Variants in RB1 observed in about 807,000 individuals in gnomAD.
The protein encoded by RB1 is RB transcriptional corepressor 1.
In RB1, 18 loss-of-function variants were observed where a neutral mutation model predicts 135.4. The observed-to-expected ratio is 0.13, with a 90% CI of 0.09 to 0.20. RB1 has a LOEUF of 0.20. Among genes scored for constraint, RB1 ranks in the 10% least tolerant of loss-of-function variants. The pLI is 1.00. For missense variants in RB1, 868 were observed against 1,110.0 expected (o/e 0.78, Z 3.10); for synonymous variants, 365 against 373.2 (o/e 0.98, Z 0.25).
intron 17 of RB1, among the ~76,000 whole-genome samples, chr13:48,414,871 A>ATG (rs1458133315): frequency 1.3e-5 from 2 of 152,210 alleles, no homozygotes; most frequent in Non-Finnish European, 2.9e-5. Flanking sequence ...GAAAAGATGT[A>ATG]TGTGTGTGTT....
Position 48,459,906 on chromosome 13 carries a change from T to A in RB1, c.2106+73T>A, listed in dbSNP as rs968519529. 4 of 462,176 alleles carry A rather than the reference T, an allele frequency of 8.7e-6. No individual in the cohort carries two copies. The East Asian group carries it at 1.6e-4, about 18-fold the overall frequency. The allele number at this position is 462,176 out of a possible 1,614,324, so 28.6% of individuals were successfully genotyped here. ...AACTGATTCTTTCTTTCTTTCTTTCTTTCTTTCTTTCTTTCTTTCTTTCTT... is the reference window on the plus strand; with the variant it reads ...AACTGATTCTTTCTTTCTTTCTTTCATTCTTTCTTTCTTTCTTTCTTTCTT... On this transcript the variant is annotated intron_variant, in intron 20 of 26. Coordinates refer to ENST00000267163, the MANE Select transcript of RB1 (RefSeq NM_000321.3).
intron 4 of RB1, among the ~76,000 whole-genome samples, chr13:48,346,539 G>A (rs1333312357): frequency 0.011 from 2 of 184 alleles, no homozygotes; most frequent in African/African-American, 0.032. Flanking sequence ...TGTTGCTTTA[G>A]AGTTTTTTTG....
intron 2 of RB1, among the ~76,000 whole-genome samples, chr13:48,307,699 C>A (rs1011659378): frequency 2.9e-3 from 380 of 129,288 alleles, no homozygotes; most frequent in Non-Finnish European, 4.0e-3. Context: ...TACTAAAATA[C>A]AAAAAAAAAA....
In RB1 at chr13:48,456,249, G is replaced by A. The variant is rs750356534; in HGVS notation, c.1860G>A (p.Thr620=). 6 of 1,613,946 alleles carry A rather than the reference G, an allele frequency of 3.7e-6. No homozygotes were observed. The highest frequency in any genetic ancestry group is 1.7e-5 in the Admixed American group (1 of 59,992). The change falls in exon 19 of 27, where the codon ACG becomes ACA. Residue 620 remains threonine (T), a synonymous_variant. Coordinates refer to ENST00000267163, the MANE Select transcript of RB1 (RefSeq NM_000321.3). The part of the protein sequence containing the change: ...VRSPKKKGST[T]RVNSTANAET... ...CTCCAAAGAAAAAAGGTTCAACTAC[G>A]CGTGTAAATTCTACTGCAAATGCAG... is the stretch of plus-strand genomic sequence containing the variant.
chr13:48,447,083 A>G (rs960335656), intron 17 of RB1, among the ~76,000 whole-genome samples: 4 of 152,230 alleles, frequency 2.6e-5, no homozygotes, highest in Non-Finnish European at 5.9e-5. Flanking sequence ...AACTTGGAAT[A>G]TATTTTGAAT....
chr13:48,328,533 C>A, intron 2 of RB1: 2 of 751,742 alleles, frequency 2.7e-6, no homozygotes, highest in Admixed American at 1.8e-5. Flanking sequence ...ACTTTTCCGG[C>A]TTCTCCTCTC....
chr13:48,463,122 C>A (rs1205121118), intron 20 of RB1, among the ~76,000 whole-genome samples: 44 of 152,202 alleles, frequency 2.9e-4, no homozygotes, highest in Non-Finnish European at 7.4e-5. Context: ...TTTAAAGTCA[C>A]AGGGAATCAT....
At chr13:48,381,141 G>A in intron 16 of RB1, 106 bp from the exon 17 acceptor site, 1 of 1,426,938 alleles carries the variant, frequency 7.0e-7, no homozygotes, top group South Asian at 1.4e-5. Context: ...AAATAAAAAT[G>A]GTTTAACCTT....
At chr13:48,325,931 C>G (rs1952283533) in intron 2 of RB1, among the ~76,000 whole-genome samples, 1 of 152,052 alleles carries the variant, frequency 6.6e-6, no homozygotes, top group Non-Finnish European at 1.5e-5. Flanking sequence ...AGTCTTTGCT[C>G]ATAGAATAGT....
At position 48,367,097 on chromosome 13, in the gene RB1, C is replaced by T. The variant is rs570850669; in HGVS notation, c.940-397C>T. On this transcript the variant is annotated intron_variant, in intron 9 of 26. Coordinates refer to ENST00000267163, the MANE Select transcript of RB1 (RefSeq NM_000321.3). ...TTGTGCCACTGCACTCCAGCCTGGG[C>T]GAAAGAGCGAAACTCCATCTCAAAA... Among the ~76,000 whole-genome samples, 60 of 109,232 alleles carry T rather than the reference C, an allele frequency of 5.5e-4. 1 individual carries two copies. In the Middle Eastern group the frequency reaches 0.042, roughly 76 times the overall value. 71.7% of individuals were successfully genotyped at this position (109,232 alleles called of 152,430 possible).
chr13:48,432,663 A>G (rs1949142255), intron 17 of RB1, among the ~76,000 whole-genome samples: 1 of 152,126 alleles, frequency 6.6e-6, no homozygotes, highest in Admixed American at 6.6e-5. Flanking sequence ...TTTCCCTGAT[A>G]GCAGGGACAT....
chr13:48,423,390 A>G (rs1805106537), intron 17 of RB1, among the ~76,000 whole-genome samples: 1 of 152,052 alleles, frequency 6.6e-6, no homozygotes, highest in Non-Finnish European at 1.5e-5. Flanking sequence ...TCTCAGGTAT[A>G]ATAGATCAAG....
chr13:48,476,840 G>A lies in RB1; in HGVS notation c.2660G>A (p.Gly887Glu), dbSNP rs1566241021. The stretch of plus-strand genomic sequence containing the variant: ...ATTGAAGGATCAGATGAAGCAGATG[G>A]AAGGTAGGAACCAGTTTTGAATGTT... ...FDIEGSDEAD[G>E]SKHLPGESKF... Residue 887 changes from glycine to glutamate, a missense_variant, in exon 25 of 27, where the codon GGA becomes GAA. Coordinates refer to ENST00000267163, the MANE Select transcript of RB1 (RefSeq NM_000321.3). 1 of 1,613,470 alleles carries A rather than the reference G, an allele frequency of 6.2e-7. No individual in the cohort carries two copies. Among genetic ancestry groups the A allele is most frequent in the Non-Finnish European group, 8.5e-7 (1 of 1,179,542 alleles).
intron 17 of RB1, among the ~76,000 whole-genome samples, chr13:48,414,696 T>G (rs2138214104): frequency 6.6e-6 from 1 of 152,334 alleles, no homozygotes; most frequent in East Asian, 1.9e-4. Context: ...CACCATTCTT[T>G]CACACTCAGC....
intron 18 of RB1, among the ~76,000 whole-genome samples, chr13:48,453,867 G>C (rs902151421): frequency 2.6e-5 from 4 of 152,190 alleles, no homozygotes; most frequent in African/African-American, 9.7e-5. Context: ...GGTGAACATA[G>C]AGTCACTGTC....
rs117209587 is a variant in RB1, at chr13:48,458,352, A to G, written c.1961-1336A>G. On this transcript the variant is annotated intron_variant, in intron 19 of 26. Coordinates refer to ENST00000267163, the MANE Select transcript of RB1 (RefSeq NM_000321.3). The stretch of plus-strand genomic sequence containing the variant: ...GTCTGTGCATGCGTATATACTTCCT[A>G]GTGCATATCCACTTGGAGCTCTTTG... Among the ~76,000 whole-genome samples the G allele has an allele frequency of 2.3e-3, 343 of 152,248 alleles. 1 individual carries two copies. Among genetic ancestry groups the G allele is most frequent in the Non-Finnish European group, 3.9e-3 (267 of 68,024 alleles).
intron 17 of RB1, among the ~76,000 whole-genome samples, chr13:48,392,808 G>A (rs1047980103): frequency 6.6e-6 from 1 of 151,098 alleles, no homozygotes; most frequent in Non-Finnish European, 1.5e-5. Context: ...TTGACTGCTT[G>A]GTGATTTTTT....
chr13:48,479,938 C>A (rs2138364094), intron 26 of RB1, 60 bp from the exon 27 acceptor site: 1 of 1,365,602 alleles, frequency 7.3e-7, no homozygotes, highest in Non-Finnish European at 1.0e-6. Flanking sequence ...TATATGGCAG[C>A]CACTTGCCAA....
At position 48,316,429 on chromosome 13, in the gene RB1, A is replaced by C. The variant is rs143820323; in HGVS notation, c.264+9023A>C. On this transcript the variant is annotated intron_variant, in intron 2 of 26. Transcript: ENST00000267163. ...ATTCTCACCAGCAATCAACCAAAAAACATCAGAGTCTCTGTGAACTTGGCT... is the reference window on the plus strand; with the variant it reads ...ATTCTCACCAGCAATCAACCAAAAACCATCAGAGTCTCTGTGAACTTGGCT... 8.5e-5 allele frequency among the ~76,000 whole-genome samples: 13 copies of C among 152,238 alleles called. No homozygotes were observed. The South Asian group carries it at 1.9e-3, about 22-fold the overall frequency.
Sources: allele counts gnomAD v4.1 joint callset (sites outside exome capture counted in the v4.1 genomes callset), GRCh38; gene constraint gnomAD v4.1.1; transcripts MANE v1.5; gene names NCBI Gene and HGNC (gene_info 2026-07-23, HGNC 2026-07-21).